GRAMD4: variants seen among roughly 807,000 people sequenced by gnomAD.
GRAMD4 encodes GRAM domain containing 4, also known as GRAM domain-containing protein 4.
GRAMD4 carries 25 observed loss-of-function variants against 83.9 expected under a neutral mutation model. That is an observed-to-expected ratio of 0.30 (90% CI 0.22 to 0.42). The LOEUF is 0.42. Ranked by LOEUF, GRAMD4 falls within the 10% of genes least tolerant of loss-of-function variation. The probability of loss-of-function intolerance (pLI) is 1.00; values close to 1 mark genes in which losing one functional copy is unlikely to be tolerated. For synonymous variants in GRAMD4, 336 were observed against 320.9 expected (o/e 1.05, Z -0.50); for missense variants, 593 against 788.7 (o/e 0.75, Z 2.97).
chr22:46,609,843 C>T (rs138525), intron 1 of GRAMD4, among the ~76,000 whole-genome samples: 73,361 of 152,062 alleles, frequency 0.48, 19,072 homozygotes, highest in Non-Finnish European at 0.6. Context: ...TGTTGTTTGT[C>T]ACTGGGCAGT....
At chr22:46,668,240 G>C in intron 11 of GRAMD4, 73 bp downstream of exon 11, 1 of 1,070,958 alleles carries the variant, frequency 9.3e-7, no homozygotes, top group Non-Finnish European at 1.4e-6. Context: ...TGTCTACGCC[G>C]GCCAGGGGTA....
In GRAMD4 at chr22:46,606,016, AT is replaced by A. The variant is rs1233297930; in HGVS notation, c.-49-20733del. ...GTGCTGAGCATCTCTGCATGGGTTT[AT>A]TGACCAGTGCTGAGCATGTCTGCAT... On this transcript the variant is annotated intron_variant, in intron 1 of 1. Coordinates refer to the GRAMD4 transcript ENST00000431155. Among the ~76,000 whole-genome samples, 5 of 4,452 alleles carry A rather than the reference AT, an allele frequency of 1.1e-3. 2 individuals carry two copies. Among genetic ancestry groups the A allele is most frequent in the East Asian group, 0.029 (2 of 70 alleles). The allele number at this position is 4,452 out of a possible 152,430, so 2.9% of individuals were successfully genotyped here.
upstream of GRAMD4, among the ~76,000 whole-genome samples, chr22:46,618,431 C>T (rs1163786934): frequency 3.3e-5 from 5 of 152,126 alleles, no homozygotes; most frequent in Admixed American, 1.3e-4. The surrounding 1 kb of genome is among the most constrained non-coding windows in gnomAD (Gnocchi z 5.8). Flanking sequence ...AGCGACGTCC[C>T]GGAGCCAAAC....
intron 1 of GRAMD4, among the ~76,000 whole-genome samples, chr22:46,586,912 G>C (rs2081156106): frequency 6.6e-6 from 1 of 152,124 alleles, no homozygotes; most frequent in African/African-American, 2.4e-5. Flanking sequence ...CTTGGCCCCT[G>C]GGTGGGGAGT....
chr22:46,668,537 C>G (rs1162449800), intron 11 of GRAMD4, 152 bp from the exon 12 acceptor site: 1 of 774,554 alleles, frequency 1.3e-6, no homozygotes, highest in East Asian at 2.4e-5. Flanking sequence ...TAGACCAGAG[C>G]TGGGCCTTCC....
At chr22:46,585,770 A>G (rs1602292304) in intron 1 of GRAMD4, among the ~76,000 whole-genome samples, 1 of 152,186 alleles carries the variant, frequency 6.6e-6, no homozygotes, top group African/African-American at 2.4e-5. Context: ...AGGGAGCGAC[A>G]AGGAGGGCTC....
At chr22:46,680,590 CCATCCACCCACCCATTCATCCAT>C (rs1569313454), downstream of GRAMD4, among the ~76,000 whole-genome samples, 7 of 137,334 alleles carry the variant, frequency 5.1e-5, no homozygotes, top group South Asian at 2.4e-4. Context: ...ATCCATCCAT[CCATCCACCCACCCATTCATCCAT>C]CCACCCACCC....
rs2081566127 is a variant in GRAMD4, at chr22:46,621,013, G to T, written c.-50+448G>T. The stretch of plus-strand genomic sequence containing the variant: ...GGTGGGCCTGTAGGTGCAGGTGGAG[G>T]GGCTGGTCCTGGGGAGAGCGGCTGG... On this transcript the variant is annotated intron_variant, in intron 1 of 18. Coordinates refer to ENST00000406902, the MANE Select transcript of GRAMD4 (RefSeq NM_015124.5). The surrounding 1 kb of genome is among the most constrained non-coding windows in gnomAD (Gnocchi z 5.8). Among the ~76,000 whole-genome samples, 1 of 152,082 alleles carries T rather than the reference G, an allele frequency of 6.6e-6. No homozygotes were observed. The highest frequency in any genetic ancestry group is 2.4e-5 in the African/African-American group (1 of 41,406).
intron 14 of GRAMD4, among the ~76,000 whole-genome samples, chr22:46,673,293 G>A (rs2147408669): frequency 6.6e-6 from 1 of 152,366 alleles, no homozygotes; most frequent in South Asian, 2.1e-4. Flanking sequence ...CCCTGACAGT[G>A]AGGCTCTGGC....
Position 46,668,911 on chromosome 22 carries a change from A to T in GRAMD4, c.1084+3A>T, listed in dbSNP as rs764985434. 1.3e-6 allele frequency: 2 copies of T among 1,545,292 alleles called. No homozygotes were observed. The highest frequency in any genetic ancestry group is 1.8e-6 in the Non-Finnish European group (2 of 1,119,870). On this transcript the variant is annotated splice_donor_region_variant and intron_variant, in intron 13 of 18. Transcript: ENST00000406902. ...CCGCCTGGTGGGGCTTGCCGTGGGT[A>T]AGTAGATGCACCTGCGGCCTGTAGC... is the stretch of plus-strand genomic sequence containing the variant.
chr22:46,587,109 C>A (rs761718417), intron 1 of GRAMD4, among the ~76,000 whole-genome samples: 26 of 152,194 alleles, frequency 1.7e-4, no homozygotes, highest in Non-Finnish European at 3.5e-4. Flanking sequence ...TGCCACAGAA[C>A]CCTGATGAAG....
chr22:46,622,772 T>C lies in GRAMD4; in HGVS notation c.-50+2207T>C, dbSNP rs912300068. On this transcript the variant is annotated intron_variant, in intron 1 of 18. Coordinates refer to ENST00000406902, the MANE Select transcript of GRAMD4 (RefSeq NM_015124.5). The surrounding 1 kb of genome is among the most constrained non-coding windows in gnomAD (Gnocchi z 4.0). ...ACTAAAAATACAAAAAATTAGCTGGTGTGGTGGCGGGTGCCTGTAGTCCCA... is the reference window on the plus strand; with the variant it reads ...ACTAAAAATACAAAAAATTAGCTGGCGTGGTGGCGGGTGCCTGTAGTCCCA... Among the ~76,000 whole-genome samples, 19 of 151,810 alleles carry C rather than the reference T, an allele frequency of 1.3e-4. No individual in the cohort carries two copies. The highest frequency in any genetic ancestry group is 3.9e-4 in the Admixed American group (6 of 15,252).
chr22:46,648,891 GATGGATGC>G lies in GRAMD4; in HGVS notation c.284-9288_284-9281del, dbSNP rs1569288543. ...GGATGGATGGATGGATGGATGGATG[GATGGATGC>G]ATGGATGGATGGATGGATGGATGGA... is the stretch of plus-strand genomic sequence containing the variant. On this transcript the variant is annotated intron_variant, in intron 3 of 18. Coordinates refer to ENST00000406902, the MANE Select transcript of GRAMD4 (RefSeq NM_015124.5). 4.9e-5 allele frequency among the ~76,000 whole-genome samples: 6 copies of G among 122,696 alleles called. No homozygotes were observed. The East Asian group carries it at 1.1e-3, about 23-fold the overall frequency. 80.5% of individuals were successfully genotyped at this position (122,696 alleles called of 152,430 possible). A position where few individuals can be genotyped will look rare whatever the true frequency, so the allele number is the denominator to read the frequency against.
intron 3 of GRAMD4, among the ~76,000 whole-genome samples, chr22:46,650,441 G>C (rs2082148897): frequency 7.9e-6 from 1 of 126,590 alleles, no homozygotes; most frequent in South Asian, 2.3e-4. Context: ...TGAGCATTGA[G>C]GCTGGGTGGA....
chr22:46,643,848 T>G (rs1048535973), intron 3 of GRAMD4, among the ~76,000 whole-genome samples: 1 of 152,192 alleles, frequency 6.6e-6, no homozygotes, highest in Non-Finnish European at 1.5e-5. Flanking sequence ...TAATGCATGA[T>G]GTAGAGAATT....
intron 1 of GRAMD4, among the ~76,000 whole-genome samples, chr22:46,599,349 G>C (rs1187744685): frequency 6.6e-6 from 1 of 150,468 alleles, no homozygotes; most frequent in Non-Finnish European, 1.5e-5. Context: ...ACGGAGTCTT[G>C]CTCTTGTTCC....
chr22:46,667,835 C>T (rs1291813910), intron 10 of GRAMD4, among the ~76,000 whole-genome samples: 1 of 152,246 alleles, frequency 6.6e-6, no homozygotes, highest in Non-Finnish European at 1.5e-5. Flanking sequence ...AACTGTGAGG[C>T]AGAGCCTCTG....
chr22:46,648,699 C>CATGGATGGATGGATGGATGGATGGATGG (rs201041889), intron 3 of GRAMD4, among the ~76,000 whole-genome samples: 6 of 118,168 alleles, frequency 5.1e-5, no homozygotes, highest in African/African-American at 1.7e-4. Context: ...TGGATGGATG[C>CATGGATGGATGGATGGATGGATGGATGG]ATGGATGGAT....
chr22:46,605,836 G>T (rs991578162), intron 1 of GRAMD4, among the ~76,000 whole-genome samples: 1 of 150,502 alleles, frequency 6.6e-6, no homozygotes, highest in Non-Finnish European at 1.5e-5. Flanking sequence ...GGCCGGTGCT[G>T]AGCATCTCTG....
Sources: allele counts gnomAD v4.1 joint callset (sites outside exome capture counted in the v4.1 genomes callset), GRCh38; gene constraint gnomAD v4.1.1; non-coding constraint Gnocchi (gnomAD v3.1); transcripts MANE v1.5; gene names NCBI Gene and HGNC (gene_info 2026-07-23, HGNC 2026-07-21).